The following MELK variants were observed in gnomAD, a reference collection of about 807,000 sequenced individuals.
MELK encodes pEg3 kinase.
MELK carries 81 observed loss-of-function variants against 85.0 expected under a neutral mutation model. That is an observed-to-expected ratio of 0.95 (90% CI 0.80 to 1.15). The LOEUF (loss-of-function observed/expected upper bound fraction) is 1.15, where lower values mean the gene tolerates loss of function less well. Among genes scored for constraint, MELK ranks in the 50% most tolerant of loss-of-function variants. MELK has a pLI of 0.00. For missense variants in MELK, 754 were observed against 777.5 expected (o/e 0.97, Z 0.36); for synonymous variants, 252 against 265.0 (o/e 0.95, Z 0.48).
chr9:36,588,883 A>C (rs1823232878), intron 3 of MELK, among the ~76,000 whole-genome samples: 1 of 152,146 alleles, frequency 6.6e-6, no homozygotes, highest in Non-Finnish European at 1.5e-5. Flanking sequence ...TTTTTTGCTC[A>C]GCATGCTTCT....
chr9:36,669,768 A>T (rs768005662), intron 15 of MELK, among the ~76,000 whole-genome samples: 1 of 151,816 alleles, frequency 6.6e-6, no homozygotes, highest in Non-Finnish European at 1.5e-5. Flanking sequence ...TCGTAAAGAT[A>T]CTGTTGTTTC....
intron 11 of MELK, among the ~76,000 whole-genome samples, chr9:36,644,417 TAAAC>T (rs1262348488): frequency 1.3e-5 from 2 of 152,176 alleles, no homozygotes; most frequent in African/African-American, 4.8e-5. Flanking sequence ...TTTAAAAAAT[TAAAC>T]AAAGCTTTGC....
intron 7 of MELK, among the ~76,000 whole-genome samples, chr9:36,602,893 TC>T (rs1358769418): frequency 6.6e-6 from 1 of 152,120 alleles, no homozygotes; most frequent in Non-Finnish European, 1.5e-5. Context: ...TGTTACCCTA[TC>T]CCATAAGATA....
chr9:36,627,293 A>G (rs1289367137), intron 8 of MELK, among the ~76,000 whole-genome samples: 5 of 152,094 alleles, frequency 3.3e-5, no homozygotes, highest in Non-Finnish European at 5.9e-5. Context: ...CTGGCTTTCA[A>G]TTATGTTAAA....
At chr9:36,589,706 A>G in intron 4 of MELK, 54 bp downstream of exon 4, 3 of 1,270,682 alleles carry the variant, frequency 2.4e-6, no homozygotes, top group Non-Finnish European at 3.4e-6. Context: ...ATCAATAGTA[A>G]AAGAGAAAAG....
intron 8 of MELK, among the ~76,000 whole-genome samples, chr9:36,621,067 G>A (rs999406379): frequency 2.0e-5 from 3 of 151,112 alleles, no homozygotes; most frequent in Non-Finnish European, 3.0e-5. Context: ...TCAGGAGCTC[G>A]AAATCAGCCT....
intron 8 of MELK, among the ~76,000 whole-genome samples, chr9:36,625,014 A>G (rs915039533): frequency 2.0e-5 from 3 of 152,158 alleles, no homozygotes; most frequent in Middle Eastern, 3.2e-3. Flanking sequence ...TTGTAACAAA[A>G]TACTGGAGAG....
chr9:36,645,830 A>G (rs1458296501), intron 11 of MELK, among the ~76,000 whole-genome samples: 1 of 152,138 alleles, frequency 6.6e-6, no homozygotes, highest in South Asian at 2.1e-4. Flanking sequence ...GTGGCCTAGG[A>G]CCAGCAGCAG....
At chr9:36,575,595 T>TGGAA (rs1476885985) in intron 1 of MELK, among the ~76,000 whole-genome samples, 2 of 150,858 alleles carry the variant, frequency 1.3e-5, no homozygotes, top group African/African-American at 4.9e-5. Context: ...ATAGAGAAAA[T>TGGAA]GGAAGAAAGA....
chr9:36,646,218 C>T (rs1830205452), intron 11 of MELK, among the ~76,000 whole-genome samples: 1 of 152,134 alleles, frequency 6.6e-6, no homozygotes, highest in Non-Finnish European at 1.5e-5. Flanking sequence ...CATACTGGCT[C>T]TACATACTTT....
chr9:36,583,707 C>G lies in MELK; in HGVS notation c.139C>G (p.Leu47Val). ...VAIKIMDKNT[L>V]GSDLPRIKTE... ...TATAAAAATCATGGATAAAAACACA[C>G]TAGGGGTAAGTTTAGATTTATTTAA... The change falls in exon 3 of 18, where the codon CTA becomes GTA. Residue 47 changes from leucine to valine, a missense_variant. Leu to Val is a conservative substitution (Grantham distance 32). Transcript: ENST00000298048. The G allele has an allele frequency of 6.2e-7, 1 of 1,602,700 alleles. No homozygotes were observed. The highest frequency in any genetic ancestry group is 1.3e-5 in the African/African-American group (1 of 74,774).
At chr9:36,637,610 G>A (rs1829342368) in intron 10 of MELK, among the ~76,000 whole-genome samples, 1 of 152,240 alleles carries the variant, frequency 6.6e-6, no homozygotes, top group Non-Finnish European at 1.5e-5. Flanking sequence ...ACATGTGCAT[G>A]AATCAACACA....
In MELK at chr9:36,603,294, A is replaced by G. The variant is rs145908182; in HGVS notation, c.567+3808A>G. Among the ~76,000 whole-genome samples the G allele has an allele frequency of 2.1e-4, 32 of 152,290 alleles. No homozygotes were observed. In the East Asian group the frequency reaches 5.0e-3, roughly 24 times the overall value. On this transcript the variant is annotated intron_variant, in intron 7 of 17. Coordinates refer to ENST00000298048, the MANE Select transcript of MELK (RefSeq NM_014791.4). ...GATGGGGCTTTAAGAATCTTCATTT[A>G]AAATACTAATAAAATAGTTGATTCT...
chr9:36,596,921 A>G (rs532175507), intron 5 of MELK, among the ~76,000 whole-genome samples: 10 of 152,022 alleles, frequency 6.6e-5, no homozygotes, highest in Admixed American at 1.3e-4. Context: ...TCATTTCGTT[A>G]GTTTCTAGTC....
In MELK at chr9:36,633,145, A is replaced by G. The variant is rs1249045304; in HGVS notation, c.779A>G (p.His260Arg). 6.2e-7 allele frequency: 1 copy of G among 1,610,364 alleles called. No homozygotes were observed. The highest frequency in any genetic ancestry group is 8.5e-7 in the Non-Finnish European group (1 of 1,179,312). The change falls in exon 10 of 18, where the codon CAT becomes CGT. Residue 260 changes from histidine (H) to arginine (R), a missense_variant. Transcript: ENST00000298048. The stretch of plus-strand genomic sequence containing the variant: ...ATTTCTATGAAAAATCTATTGAACC[A>G]TCCCTGGATCATGCAAGATTACAAC... ...KRISMKNLLN[H>R]PWIMQDYNYP...
chr9:36,595,225 T>C (rs2135463546), intron 5 of MELK, among the ~76,000 whole-genome samples: 1 of 152,182 alleles, frequency 6.6e-6, no homozygotes, highest in Non-Finnish European at 1.5e-5. Flanking sequence ...AAGCTCCGCC[T>C]CCTGGGTTCA....
rs573604113 is a variant in MELK at position 36,594,802 on chromosome 9, C to T, written c.405+31C>T. 36 of 1,588,674 alleles carry T rather than the reference C, an allele frequency of 2.3e-5. No individual in the cohort carries two copies. In the African/African-American group the frequency reaches 4.6e-4, roughly 20 times the overall value. On this transcript the variant is annotated intron_variant, in intron 5 of 17. Coordinates refer to ENST00000298048, the MANE Select transcript of MELK (RefSeq NM_014791.4). Reference sequence around the variant, plus strand: ...TGACTGCATCACAGTTAGATGCTCACCTTCAGCGTCATTTACCTGTTATTT... The same window carrying T: ...TGACTGCATCACAGTTAGATGCTCATCTTCAGCGTCATTTACCTGTTATTT...
At chr9:36,592,871 C>T (rs1052270588) in intron 4 of MELK, among the ~76,000 whole-genome samples, 5 of 151,982 alleles carry the variant, frequency 3.3e-5, no homozygotes, top group African/African-American at 1.2e-4. Flanking sequence ...ACCCATGTAC[C>T]TCCCACCCCA....
chr9:36,581,770 A>G (rs757147570), intron 2 of MELK, 31 bp downstream of exon 2: 2 of 1,515,896 alleles, frequency 1.3e-6, no homozygotes. Context: ...GAGGCAGTGG[A>G]TAGATCAACT....
Sources: gnomAD v4.1 joint callset for allele counts (sites outside exome capture counted in the v4.1 genomes callset) on GRCh38, gnomAD v4.1.1 for gene constraint, MANE v1.5 for transcripts, NCBI Gene and HGNC (gene_info 2026-07-23, HGNC 2026-07-21) for gene names.